XPNPEP1: variants seen among roughly 807,000 people sequenced by gnomAD.
The protein encoded by XPNPEP1 is X-prolyl aminopeptidase 1.
Under a neutral mutation model 92.4 loss-of-function variants are expected in XPNPEP1, and 39 were observed. That is an observed-to-expected ratio of 0.42 (90% CI 0.33 to 0.55). The LOEUF (loss-of-function observed/expected upper bound fraction) is 0.55, where lower values mean the gene tolerates loss of function less well. Ranked by LOEUF, XPNPEP1 falls within the 20% of genes least tolerant of loss-of-function variation. The pLI is 0.08. For synonymous variants in XPNPEP1, 307 were observed against 299.4 expected, an observed-to-expected ratio of 1.03 and a Z score of -0.26; for missense variants, 654 against 856.1, an observed-to-expected ratio of 0.76 and a Z score of 2.95.
rs778314682 is a variant in XPNPEP1, at chr10:109,910,909, G to C, written c.122-3094C>G. ...ACAATTACATGAGGTGATCTTCAAC[G>C]ACTGACATCCTGACTTGCTGTAGCT... On this transcript the variant is annotated intron_variant, in intron 2 of 20. Coordinates refer to ENST00000502935, the MANE Select transcript of XPNPEP1 (RefSeq NM_020383.4). Among the ~76,000 whole-genome samples the C allele has an allele frequency of 2.6e-5, 4 of 152,314 alleles. No individual in the cohort carries two copies. In the South Asian group the frequency reaches 8.3e-4, roughly 32 times the overall value.
chr10:109,914,413 T>C (rs1850056940), intron 2 of XPNPEP1, among the ~76,000 whole-genome samples: 1 of 151,458 alleles, frequency 6.6e-6, no homozygotes, highest in African/African-American at 2.4e-5. Context: ...CCTATCTCCT[T>C]CTCCACCACC....
At chr10:109,890,062 G>C (rs1396672053) in intron 5 of XPNPEP1, among the ~76,000 whole-genome samples, 1 of 152,124 alleles carries the variant, frequency 6.6e-6, no homozygotes, top group African/African-American at 2.4e-5. Flanking sequence ...CCCCAGGGAT[G>C]AATCACTCAC....
In XPNPEP1 at chr10:109,888,174, G is replaced by T; in HGVS notation, c.527C>A (p.Ala176Asp). 1.9e-6 allele frequency: 3 copies of T among 1,612,692 alleles called. No homozygotes were observed. Among genetic ancestry groups the T allele is most frequent in the Non-Finnish European group, 1.7e-6 (2 of 1,179,932 alleles). ...IIPTDYWKKMAKVLRSAGHHL... is the reference protein window; with the variant it reads ...IIPTDYWKKMDKVLRSAGHHL... ...ATGGCCGGCACTTCTCAGAACTTTG[G>T]CCATTTTCTTCCAATAATCTGAGGA... Residue 176 changes from alanine to aspartate, a missense_variant, in exon 7 of 21, where the codon GCC becomes GAC. Ala to Asp is a moderately radical substitution (Grantham distance 126). Transcript: ENST00000502935.
rs1232080859 is a variant in XPNPEP1 at position 109,865,307 on chromosome 10, G to A, written c.1878C>T (p.Asp626=). The change falls in exon 21 of 21, where the codon GAC becomes GAT. Residue 626 remains aspartate (D), a synonymous_variant. Transcript: ENST00000502935. ...DVDSLTDKEC[D]WLNNYHLTCR... ...AGGTCAGGTGGTAATTGTTGAGCCA[G>A]TCGCACTGCAGGGAAGAGAAGGACA... is the stretch of plus-strand genomic sequence containing the variant. 1 of 1,614,146 alleles carries A rather than the reference G, an allele frequency of 6.2e-7. No individual in the cohort carries two copies. The highest frequency in any genetic ancestry group is 1.3e-5 in the African/African-American group (1 of 75,052).
intron 1 of XPNPEP1, among the ~76,000 whole-genome samples, chr10:109,919,064 G>C (rs1850381230): frequency 6.6e-6 from 1 of 152,194 alleles, no homozygotes; most frequent in Non-Finnish European, 1.5e-5. Flanking sequence ...CCATAAGTCT[G>C]CCTGACCTTG....
At chr10:109,908,496 G>A (rs1415350205) in intron 2 of XPNPEP1, among the ~76,000 whole-genome samples, 6 of 152,298 alleles carry the variant, frequency 3.9e-5, no homozygotes, top group East Asian at 3.9e-4. Context: ...CAGCTACTCC[G>A]GAGGCTGAGG....
At chr10:109,905,769 A>G (rs1849525776) in intron 3 of XPNPEP1, among the ~76,000 whole-genome samples, 2 of 152,238 alleles carry the variant, frequency 1.3e-5, no homozygotes, top group South Asian at 4.1e-4. Context: ...TATTTTCTCA[A>G]CTAACAAATA....
At chr10:109,916,143 A>G (rs542180581) in intron 1 of XPNPEP1, among the ~76,000 whole-genome samples, 10 of 152,364 alleles carry the variant, frequency 6.6e-5, no homozygotes, top group African/African-American at 2.2e-4. Context: ...AGGGGAAGAA[A>G]GCATCAAGGA....
intron 17 of XPNPEP1, 96 bp downstream of exon 17, chr10:109,871,696 C>T: frequency 7.1e-7 from 1 of 1,404,610 alleles, no homozygotes. Context: ...GGGGACCTCA[C>T]AGTGAAGGAA....
At chr10:109,919,350 T>C (rs1850399463) in intron 1 of XPNPEP1, among the ~76,000 whole-genome samples, 2 of 152,196 alleles carry the variant, frequency 1.3e-5, no homozygotes. Flanking sequence ...CCAGCAAAAG[T>C]ACACAAATGA....
intron 3 of XPNPEP1, among the ~76,000 whole-genome samples, chr10:109,901,631 GGC>G (rs1293426560): frequency 6.6e-6 from 1 of 152,132 alleles, no homozygotes; most frequent in Non-Finnish European, 1.5e-5. Flanking sequence ...CTTGAAATGT[GGC>G]TATTGTGACT....
In XPNPEP1 at chr10:109,880,220, G is replaced by C. The variant is rs748386732; in HGVS notation, c.1150C>G (p.Leu384Val). 3 of 1,613,892 alleles carry C rather than the reference G, an allele frequency of 1.9e-6. No individual in the cohort carries two copies. The African/African-American group carries it at 4.0e-5, about 22-fold the overall frequency. Reference sequence around the variant, plus strand: ...TCCAGCCAGTTAAAGAGTTCACAGAGAGCAACAGCATCTTTAATCTGTGCA... The same window carrying C: ...TCCAGCCAGTTAAAGAGTTCACAGACAGCAACAGCATCTTTAATCTGTGCA... ...RRAHIKDAVA[L>V]CELFNWLEKE... The change falls in exon 12 of 21, where the codon CTC becomes GTC. Residue 384 changes from leucine (L) to valine (V), a missense_variant. Physicochemically the swap from Leu to Val is conservative, Grantham distance 32. Coordinates refer to ENST00000502935, the MANE Select transcript of XPNPEP1 (RefSeq NM_020383.4).
At chr10:109,922,807 C>G (rs1215566896) in intron 1 of XPNPEP1, among the ~76,000 whole-genome samples, 4 of 152,188 alleles carry the variant, frequency 2.6e-5, no homozygotes, top group Non-Finnish European at 4.4e-5. Context: ...TCTCACCCTC[C>G]TATGCCCAAG....
At chr10:109,920,903 A>G (rs1050303327) in intron 1 of XPNPEP1, among the ~76,000 whole-genome samples, 1 of 152,158 alleles carries the variant, frequency 6.6e-6, no homozygotes, top group Admixed American at 6.5e-5. Flanking sequence ...AACAAAGATA[A>G]CTTACCATAG....
At chr10:109,876,139 A>G (rs1472983612) in intron 14 of XPNPEP1, 3 of 152,710 alleles carry the variant, frequency 2.0e-5, no homozygotes, top group Non-Finnish European at 2.9e-5. Flanking sequence ...AACTAAAGGA[A>G]TTTTGCTGGG....
At chr10:109,901,365 C>T (rs1849281341) in intron 3 of XPNPEP1, among the ~76,000 whole-genome samples, 1 of 152,078 alleles carries the variant, frequency 6.6e-6, no homozygotes, top group South Asian at 2.1e-4. Flanking sequence ...CATATGTTAA[C>T]AAACCTGCAC....
chr10:109,879,673 ATT>A (rs1227118264), intron 12 of XPNPEP1, among the ~76,000 whole-genome samples: 1 of 152,162 alleles, frequency 6.6e-6, no homozygotes, highest in South Asian at 2.1e-4. Context: ...TAAAGACAAT[ATT>A]TTCTTTTCCC....
Position 109,888,052 on chromosome 10 carries a change from T to C in XPNPEP1, c.649A>G (p.Thr217Ala). The change falls in exon 7 of 21, where the codon ACA becomes GCA. Residue 217 changes from threonine to alanine, a missense_variant. Thr to Ala is a moderately conservative substitution (Grantham distance 58). Transcript: ENST00000502935. ...GGGCAGAACCATTGATTCTGACCTG[T>C]GTAATCCAGGCCCAGTGTGAGGAGA... ...KPLLTLGLDY[T>A]GISWKDKVAD... 6.2e-7 allele frequency: 1 copy of C among 1,614,008 alleles called. No individual in the cohort carries two copies. Among genetic ancestry groups the C allele is most frequent in the Non-Finnish European group, 8.5e-7 (1 of 1,180,012 alleles).
Position 109,880,885 on chromosome 10 carries a change from G to C in XPNPEP1, c.1088C>G (p.Ala363Gly), listed in dbSNP as rs754785823. 1 of 1,614,060 alleles carries C rather than the reference G, an allele frequency of 6.2e-7. No homozygotes were observed. Among genetic ancestry groups the C allele is most frequent in the Non-Finnish European group, 8.5e-7 (1 of 1,180,012 alleles). Residue 363 changes from alanine (A) to glycine (G), a missense_variant, in exon 11 of 21, where the codon GCT (alanine) becomes GGT (glycine). Coordinates refer to ENST00000502935, the MANE Select transcript of XPNPEP1 (RefSeq NM_020383.4). ...TTCTGACTCAGCTGAATTCTTCACA[G>C]CTTTGGCGATGCAGATGGGGGTGTA... ...MPYTPICIAK[A>G]VKNSAESEGM... is the part of the protein sequence containing the mutation.
Sources: allele counts gnomAD v4.1 joint callset (sites outside exome capture counted in the v4.1 genomes callset), GRCh38; gene constraint gnomAD v4.1.1; transcripts MANE v1.5; gene names NCBI Gene and HGNC (gene_info 2026-07-23, HGNC 2026-07-21).